C13orf46: variants seen among roughly 807,000 people sequenced by gnomAD.
C13orf46 encodes chromosome 13 open reading frame 46.
the C13orf46 span, among the ~76,000 whole-genome samples, chr13:113,930,215 G>A: frequency 1.3e-5 from 2 of 152,218 alleles, no homozygotes; most frequent in African/African-American, 2.4e-5. Context: ...CAGTCCAGAT[G>A]CTTCTCTCCT....
chr13:113,928,284 G>A, the C13orf46 span: 1 of 152,288 alleles, frequency 6.6e-6, no homozygotes. Context: ...TCCTTAAAGG[G>A]ATGAGCCAGA....
At chr13:113,952,245 C>T (rs1362184460), downstream of C13orf46, among the ~76,000 whole-genome samples, 2 of 152,144 alleles carry the variant, frequency 1.3e-5, no homozygotes, top group African/African-American at 2.4e-5. Flanking sequence ...GGAGGAACTG[C>T]GCCGGCTCAG....
intron 5 of C13orf46, among the ~76,000 whole-genome samples, chr13:113,965,628 G>A (rs2052628246): frequency 6.6e-6 from 1 of 152,152 alleles, no homozygotes; most frequent in African/African-American, 2.4e-5. Context: ...TGGTGGTGAT[G>A]ATGACAGTGA....
the C13orf46 span, among the ~76,000 whole-genome samples, chr13:113,940,718 TCTC>T: frequency 9.8e-5 from 1 of 10,156 alleles, no homozygotes; most frequent in African/African-American, 8.1e-4. Context: ...GAGATCCTGG[TCTC>T]CTCTGGGACT....
At chr13:113,935,854 G>A in the C13orf46 span, among the ~76,000 whole-genome samples, 5 of 152,238 alleles carry the variant, frequency 3.3e-5, no homozygotes, top group Non-Finnish European at 7.3e-5. Flanking sequence ...CAGGGGCCAT[G>A]CTTGGGCCTA....
intron 6 of C13orf46, among the ~76,000 whole-genome samples, chr13:113,960,353 G>T (rs1413507686): frequency 6.6e-6 from 1 of 152,294 alleles, no homozygotes; most frequent in African/African-American, 2.4e-5. Context: ...GTACTGGTTT[G>T]CTCTTAATGA....
At chr13:113,931,184 G>A in the C13orf46 span, among the ~76,000 whole-genome samples, 1 of 152,358 alleles carries the variant, frequency 6.6e-6, no homozygotes, top group Middle Eastern at 3.4e-3. Context: ...GCCCCCAGAG[G>A]TAACCCCAAT....
At position 113,968,923 on chromosome 13, in the gene C13orf46, G is replaced by C. The variant is rs2052676608; in HGVS notation, c.243-163C>G. Among the ~76,000 whole-genome samples the C allele has an allele frequency of 3.3e-5, 5 of 152,292 alleles. No individual in the cohort carries two copies. In the South Asian group the frequency reaches 1.0e-3, roughly 32 times the overall value. Reference sequence around the variant, plus strand: ...CCCAGCACAGAGTTCTGGCTCTGAAGGGCCCCACAGCCTGGCCCTCCTGGC... The same window carrying C: ...CCCAGCACAGAGTTCTGGCTCTGAACGGCCCCACAGCCTGGCCCTCCTGGC... On this transcript the variant is annotated intron_variant, in intron 2 of 6. Coordinates refer to ENST00000636427, the MANE Select transcript of C13orf46 (RefSeq NM_001365455.2).
At chr13:113,965,770 G>GTGA (rs2052632931) in intron 5 of C13orf46, among the ~76,000 whole-genome samples, 3 of 142,518 alleles carry the variant, frequency 2.1e-5, no homozygotes, top group African/African-American at 8.6e-5. Flanking sequence ...GGTGATGATG[G>GTGA]TGATGGTGAT....
downstream of C13orf46, among the ~76,000 whole-genome samples, chr13:113,952,152 C>T (rs971510013): frequency 1.3e-5 from 2 of 152,212 alleles, no homozygotes; most frequent in South Asian, 2.1e-4. Flanking sequence ...GGGGGTGACA[C>T]GGCAGGGAAG....
downstream of C13orf46, among the ~76,000 whole-genome samples, chr13:113,949,980 T>C (rs1304025669): frequency 8.9e-4 from 120 of 135,110 alleles, no homozygotes; most frequent in Middle Eastern, 4.9e-3. Context: ...CCTCAGTGCT[T>C]CCATCTGTAG....
chr13:113,966,501 TATA>T (rs2052650347), intron 5 of C13orf46, among the ~76,000 whole-genome samples: 1 of 148,316 alleles, frequency 6.7e-6, no homozygotes, highest in Non-Finnish European at 1.5e-5. Context: ...TGATGGTGAT[TATA>T]ATGGTGGTGA....
At position 113,954,791 on chromosome 13, in the gene C13orf46, C is replaced by T. The variant is rs1394186309; in HGVS notation, c.*1982G>A. The T allele has an allele frequency of 4.0e-5, 8 of 198,510 alleles. No individual in the cohort carries two copies. Among genetic ancestry groups the T allele is most frequent in the South Asian group, 3.0e-4 (4 of 13,554 alleles). The allele number at this position is 198,510 out of a possible 1,614,324, so 12.3% of individuals were successfully genotyped here. On this transcript the variant is annotated 3_prime_UTR_variant, in exon 7 of 7. Transcript: ENST00000636427. ...GCTGGAGTCCTCCAGCTGGTGGAGA[C>T]GAGGAGCAGCTGGTGGAGACGAGGA...
At chr13:113,943,755 G>C in the C13orf46 span, among the ~76,000 whole-genome samples, 1 of 152,200 alleles carries the variant, frequency 6.6e-6, no homozygotes, top group African/African-American at 2.4e-5. Context: ...GATGACGAGT[G>C]TCAGGCATGG....
chr13:113,933,932 T>C, the C13orf46 span, among the ~76,000 whole-genome samples: 21 of 152,280 alleles, frequency 1.4e-4, no homozygotes, highest in African/African-American at 4.8e-4. Context: ...TTCCGTGTGT[T>C]TGTTTTATTC....
chr13:113,942,231 G>A, the C13orf46 span, among the ~76,000 whole-genome samples: 5 of 152,226 alleles, frequency 3.3e-5, no homozygotes, highest in African/African-American at 7.2e-5. Flanking sequence ...GTCGCCACTG[G>A]CCGGGTCAAC....
chr13:113,934,296 C>A, the C13orf46 span, among the ~76,000 whole-genome samples: 3 of 152,070 alleles, frequency 2.0e-5, no homozygotes, highest in Non-Finnish European at 4.4e-5. Flanking sequence ...CTGCTATGAT[C>A]GTTTGTGTGA....
intron 5 of C13orf46, among the ~76,000 whole-genome samples, chr13:113,966,855 T>C (rs1479980866): frequency 1.3e-5 from 2 of 152,074 alleles, no homozygotes; most frequent in African/African-American, 4.8e-5. Context: ...GGCACTGCTC[T>C]GAGAGCTTTC....
the C13orf46 span, among the ~76,000 whole-genome samples, chr13:113,930,044 C>A: frequency 6.6e-6 from 1 of 152,204 alleles, no homozygotes; most frequent in Non-Finnish European, 1.5e-5. Context: ...GTCTCTGGTG[C>A]TTTTATGCCA....
Sources: allele counts gnomAD v4.1 joint callset (sites outside exome capture counted in the v4.1 genomes callset), GRCh38; gene constraint gnomAD v4.1.1; transcripts MANE v1.5; gene names NCBI Gene and HGNC (gene_info 2026-07-23, HGNC 2026-07-21).